The following TMEM61 variants were observed in gnomAD, a reference collection of about 807,000 sequenced individuals.
TMEM61 encodes transmembrane protein 61.
In TMEM61, 13 loss-of-function variants were observed where a neutral mutation model predicts 12.0. The ratio of observed to expected loss-of-function variants is 1.08; its 90% CI spans 0.70 to 1.72. TMEM61 has a LOEUF of 1.72. Among genes scored for constraint, TMEM61 ranks in the 40% most tolerant of loss-of-function variants. TMEM61 has a pLI of 0.00. For missense variants in TMEM61, 249 were observed against 276.9 expected (o/e 0.90, Z 0.71); for synonymous variants, 109 against 121.4 (o/e 0.90, Z 0.67).
At chr1:54,982,627 G>A (rs1200708798) in intron 1 of TMEM61, among the ~76,000 whole-genome samples, 4 of 152,188 alleles carry the variant, frequency 2.6e-5, no homozygotes, top group Admixed American at 2.6e-4. Context: ...TCTGAGGCCC[G>A]GGAGGAGTTA....
rs772195839 is a variant in TMEM61, at chr1:54,992,029, G to A, written c.559G>A (p.Val187Ile). ...YESISLALDAVSAETTPSATR... is the reference protein window; with the variant it reads ...YESISLALDAISAETTPSATR... ...GAGCATCAGCCTTGCTCTTGATGCC[G>A]TTTCTGCGGAGACGACACCGAGTGC... Residue 187 changes from valine to isoleucine, a missense_variant, in exon 3 of 3, where the codon GTT becomes ATT. Coordinates refer to ENST00000371268, the MANE Select transcript of TMEM61 (RefSeq NM_182532.3). 2.9e-5 allele frequency: 46 copies of A among 1,613,574 alleles called. No individual in the cohort carries two copies. The highest frequency in any genetic ancestry group is 3.6e-5 in the Non-Finnish European group (42 of 1,179,962).
intron 2 of TMEM61, among the ~76,000 whole-genome samples, chr1:54,989,472 C>G (rs1379996321): frequency 6.6e-6 from 1 of 151,682 alleles, no homozygotes; most frequent in Non-Finnish European, 1.5e-5. Flanking sequence ...CCCAACCAGA[C>G]TCCAAAGATT....
intron 2 of TMEM61, among the ~76,000 whole-genome samples, chr1:54,991,440 A>G (rs1644297158): frequency 2.6e-5 from 4 of 152,182 alleles, no homozygotes; most frequent in African/African-American, 4.8e-5. Flanking sequence ...CTTGTAAAGG[A>G]TATTTCAATA....
At chr1:54,986,536 A>G (rs953862105) in intron 2 of TMEM61, 90 bp downstream of exon 2, 23 of 1,172,836 alleles carry the variant, frequency 2.0e-5, no homozygotes, top group Non-Finnish European at 2.5e-5. Context: ...AATTCCAGCA[A>G]ATTCTCATGG....
At chr1:54,988,886 G>C (rs990242084) in intron 2 of TMEM61, among the ~76,000 whole-genome samples, 3 of 152,152 alleles carry the variant, frequency 2.0e-5, no homozygotes, top group Non-Finnish European at 2.9e-5. Flanking sequence ...AGTAGTCCCT[G>C]CTCTTTCTTT....
At chr1:54,983,902 C>T (rs1426359643) in intron 1 of TMEM61, among the ~76,000 whole-genome samples, 4 of 150,680 alleles carry the variant, frequency 2.7e-5, no homozygotes, top group African/African-American at 1.0e-4. Context: ...GAGGCACTTG[C>T]CCCCTGGACA....
intron 2 of TMEM61, among the ~76,000 whole-genome samples, chr1:54,988,682 G>A (rs367994335): frequency 6.6e-5 from 10 of 152,302 alleles, no homozygotes; most frequent in African/African-American, 1.4e-4. Context: ...TCTTGGCCTC[G>A]GTTTCCCCGT....
At chr1:54,991,803 C>G in intron 2 of TMEM61, 33 bp from the exon 3 acceptor site, 2 of 1,604,920 alleles carry the variant, frequency 1.2e-6, no homozygotes, top group East Asian at 4.5e-5. Context: ...TCTGCCCCAG[C>G]CCCTGCTAAC....
chr1:54,981,171 C>T (rs1016339274), intron 1 of TMEM61, 91 bp downstream of exon 1: 4 of 1,455,496 alleles, frequency 2.7e-6, no homozygotes. Flanking sequence ...ACCTCGGTCA[C>T]CGTGGCTTGG....
intron 2 of TMEM61, among the ~76,000 whole-genome samples, chr1:54,988,515 C>A (rs530666911): frequency 6.6e-6 from 1 of 152,238 alleles, no homozygotes; most frequent in Non-Finnish European, 1.5e-5. Flanking sequence ...CTCAGCCCAG[C>A]CCTGCTGCCT....
chr1:54,986,381 C>T lies in TMEM61; in HGVS notation c.300C>T (p.Asp100=). The part of the protein sequence containing the change: ...KASIPGPPRW[D]PYHLSRDLYY... The stretch of plus-strand genomic sequence containing the variant: ...GCATCCCAGGGCCACCTCGATGGGA[C>T]CCCTATCACCTCTCCAGAGACCTGT... The change falls in exon 2 of 3, where the codon GAC becomes GAT. Residue 100 remains aspartate, a synonymous_variant. Transcript: ENST00000371268. 1 of 1,612,036 alleles carries T rather than the reference C, an allele frequency of 6.2e-7. No homozygotes were observed.
In TMEM61 at chr1:54,991,878, G is replaced by T. The variant is rs751628640; in HGVS notation, c.408G>T (p.Val136=). 1 of 1,614,004 alleles carries T rather than the reference G, an allele frequency of 6.2e-7. No homozygotes were observed. The highest frequency in any genetic ancestry group is 8.5e-7 in the Non-Finnish European group (1 of 1,180,014). Residue 136 remains valine, a synonymous_variant, in exon 3 of 3, where the codon GTG becomes GTT. Transcript: ENST00000371268. The stretch of plus-strand genomic sequence containing the variant: ...ACATCCCCACTTACGAGGAAGCCGT[G>T]AGCTTCCCAGTGGCCGAGGGGCCCC... ...VVDIPTYEEA[V]SFPVAEGPPT...
rs1245562190 is a variant in TMEM61, at chr1:54,986,140, T to C, written c.59T>C (p.Met20Thr). The C allele has an allele frequency of 6.2e-7, 1 of 1,608,454 alleles. No homozygotes were observed. Among genetic ancestry groups the C allele is most frequent in the Non-Finnish European group, 8.5e-7 (1 of 1,175,814 alleles). Residue 20 changes from methionine (M) to threonine (T), a missense_variant, in exon 2 of 3, where the codon ATG becomes ACG. Physicochemically the swap from Met to Thr is moderately conservative, Grantham distance 81. Coordinates refer to ENST00000371268, the MANE Select transcript of TMEM61 (RefSeq NM_182532.3). ...TTGGCCTCCACCCTCCGCTATTGCA[T>C]GACAGTCAGCGGCACAGTGGTTCTG... ...SHLASTLRYC[M>T]TVSGTVVLVA...
chr1:54,981,565 C>A (rs1439614780), intron 1 of TMEM61, among the ~76,000 whole-genome samples: 1 of 152,176 alleles, frequency 6.6e-6, no homozygotes, highest in Non-Finnish European at 1.5e-5. Flanking sequence ...GTGCAATGAG[C>A]CGAGATCGCA....
Position 54,986,376 on chromosome 1 carries a change from T to A in TMEM61, c.295T>A (p.Trp99Arg). The A allele has an allele frequency of 1.2e-6, 2 of 1,612,890 alleles. No homozygotes were observed. The highest frequency in any genetic ancestry group is 1.7e-6 in the Non-Finnish European group (2 of 1,179,194). The change falls in exon 2 of 3, where the codon TGG (tryptophan) becomes AGG (arginine). Residue 99 changes from tryptophan (W) to arginine (R), a missense_variant. Physicochemically the swap from Trp to Arg is moderately radical, Grantham distance 101. Coordinates refer to ENST00000371268, the MANE Select transcript of TMEM61 (RefSeq NM_182532.3). The stretch of plus-strand genomic sequence containing the variant: ...GGCCAGCATCCCAGGGCCACCTCGA[T>A]GGGACCCCTATCACCTCTCCAGAGA... ...VKASIPGPPR[W>R]DPYHLSRDLY...
chr1:54,982,458 C>G (rs928906988), intron 1 of TMEM61, among the ~76,000 whole-genome samples: 1 of 152,198 alleles, frequency 6.6e-6, no homozygotes, highest in African/African-American at 2.4e-5. Flanking sequence ...GCCCTTCATC[C>G]AGTGGACATT....
In TMEM61 at chr1:54,980,806, C is replaced by T. The variant is rs978945639; in HGVS notation, c.-260C>T. On this transcript the variant is annotated 5_prime_UTR_variant, in exon 1 of 3. Transcript: ENST00000371268. ...CGCCGGGGTGAGGCCTGGCTCGGTC[C>T]CTGCGCACCGGGTGCGGGCGGCGGA... is the stretch of plus-strand genomic sequence containing the variant. 3.9e-5 allele frequency: 15 copies of T among 380,548 alleles called. No homozygotes were observed. Among genetic ancestry groups the T allele is most frequent in the Middle Eastern group, 6.7e-4 (1 of 1,500 alleles). 23.6% of individuals were successfully genotyped at this position (380,548 alleles called of 1,614,324 possible). A position where few individuals can be genotyped will look rare whatever the true frequency, so the allele number is the denominator to read the frequency against.
At chr1:54,985,754 T>G (rs1467516650) in intron 1 of TMEM61, among the ~76,000 whole-genome samples, 1 of 100,492 alleles carries the variant, frequency 1.0e-5, no homozygotes, top group East Asian at 2.4e-4. Context: ...GCGTTACTTT[T>G]CTCTGTCCCA....
Position 54,991,987 on chromosome 1 carries a change from C to T in TMEM61, c.517C>T (p.Pro173Ser). The T allele has an allele frequency of 6.2e-7, 1 of 1,614,172 alleles. No homozygotes were observed. Among genetic ancestry groups the T allele is most frequent in the Non-Finnish European group, 8.5e-7 (1 of 1,180,044 alleles). Residue 173 changes from proline to serine, a missense_variant, in exon 3 of 3, where the codon CCT becomes TCT. Transcript: ENST00000371268. ...CCTGCTCAGCACCCAGCCCGCCTGG[C>T]CTCCACCCAGCTATGAGAGCATCAG... ...DALLSTQPAW[P>S]PPSYESISLA...
Sources: gnomAD v4.1 joint callset for allele counts (sites outside exome capture counted in the v4.1 genomes callset) on GRCh38, gnomAD v4.1.1 for gene constraint, MANE v1.5 for transcripts, NCBI Gene and HGNC (gene_info 2026-07-23, HGNC 2026-07-21) for gene names.